EPS8: variants seen among roughly 807,000 people sequenced by gnomAD.
The protein encoded by EPS8 is epidermal growth factor receptor kinase substrate 8.
EPS8 carries 42 observed loss-of-function variants against 103.8 expected under a neutral mutation model. The ratio of observed to expected loss-of-function variants is 0.40; its 90% CI spans 0.32 to 0.52. The LOEUF (loss-of-function observed/expected upper bound fraction) is 0.52, where lower values mean the gene tolerates loss of function less well. EPS8 is among the 20% of genes least tolerant of loss of function. The probability of loss-of-function intolerance (pLI) is 0.40; values close to 1 mark genes in which losing one functional copy is unlikely to be tolerated. For synonymous variants in EPS8, 344 were observed against 344.6 expected, an observed-to-expected ratio of 1.00 and a Z score of 0.02; for missense variants, 969 against 1,005.1, an observed-to-expected ratio of 0.96 and a Z score of 0.49.
At chr12:15,718,137 G>C (rs909659817) in intron 1 of EPS8, among the ~76,000 whole-genome samples, 3 of 152,172 alleles carry the variant, frequency 2.0e-5, no homozygotes, top group Non-Finnish European at 2.9e-5. Context: ...CCTTTGGTGA[G>C]TAACTTAACC....
At chr12:15,755,936 T>A (rs980310896) in intron 1 of EPS8, among the ~76,000 whole-genome samples, 2 of 152,198 alleles carry the variant, frequency 1.3e-5, no homozygotes, top group African/African-American at 4.8e-5. Context: ...TTTCCAGAAC[T>A]GATTTGTATT....
At position 15,771,572 on chromosome 12, in the gene EPS8, G is replaced by A. The variant is rs923627388; in HGVS notation, c.-22+17589C>T. Among the ~76,000 whole-genome samples the A allele has an allele frequency of 6.6e-6, 1 of 152,128 alleles. No individual in the cohort carries two copies. Among genetic ancestry groups the A allele is most frequent in the Non-Finnish European group, 1.5e-5 (1 of 68,022 alleles). ...GGCAAAGGCGAGGGTTAACTTTAAT[G>A]TGAAAGCAGCAAAATCTGGCAATCA... is the stretch of plus-strand genomic sequence containing the variant. On this transcript the variant is annotated intron_variant, in intron 1 of 20. Transcript: ENST00000281172. This position sits in a 1 kb window ranked among gnomAD's most constrained non-coding sequence, Gnocchi z 4.6.
At chr12:15,681,197 A>G (rs1179289759) in intron 3 of EPS8, 29 bp downstream of exon 3, 1 of 1,252,414 alleles carries the variant, frequency 8.0e-7, no homozygotes, top group Admixed American at 2.1e-5. Context: ...TAGAAACAAA[A>G]TTATACCCTA....
At position 15,736,221 on chromosome 12, in the gene EPS8, T is replaced by C. The variant is rs16911216; in HGVS notation, c.-22+52940A>G. 0.087 allele frequency among the ~76,000 whole-genome samples: 13,241 copies of C among 152,170 alleles called. 1,890 individuals carry two copies. Among genetic ancestry groups the C allele is most frequent in the African/African-American group, 0.3 (12,341 of 41,454 alleles). Reference sequence around the variant, plus strand: ...TTTTAAACCAAAAACTATCCTAGTATCATGTCACTTTAATGAACTGTAATA... The same window carrying C: ...TTTTAAACCAAAAACTATCCTAGTACCATGTCACTTTAATGAACTGTAATA... On this transcript the variant is annotated intron_variant, in intron 1 of 20. Transcript: ENST00000281172. The surrounding 1 kb of genome is among the most constrained non-coding windows in gnomAD (Gnocchi z 4.2).
intron 15 of EPS8, among the ~76,000 whole-genome samples, chr12:15,643,761 A>T (rs1165332459): frequency 7.6e-6 from 1 of 131,672 alleles, no homozygotes; most frequent in Non-Finnish European, 1.7e-5. Flanking sequence ...AAAAAAAAAA[A>T]AGAGGTACCA....
intron 7 of EPS8, among the ~76,000 whole-genome samples, chr12:15,666,172 G>A (rs1176773473): frequency 6.6e-6 from 1 of 152,132 alleles, no homozygotes; most frequent in African/African-American, 2.4e-5. Context: ...TATTTCCCTA[G>A]GATACCTTCT....
rs1353547217 is a variant in EPS8 at position 15,717,586 on chromosome 12, C to CA, written c.-21-34615dup. On this transcript the variant is annotated intron_variant, in intron 1 of 20. Transcript: ENST00000281172. The surrounding 1 kb of genome is among the most constrained non-coding windows in gnomAD (Gnocchi z 4.3). Reference sequence around the variant, plus strand: ...TGGGTGACAGCACGAGACTCCATCTCAAAAAAAAAGAAAGAAAGAAAGAAA... The same window carrying CA: ...TGGGTGACAGCACGAGACTCCATCTCAAAAAAAAAAGAAAGAAAGAAAGAAA... 1.4e-4 allele frequency among the ~76,000 whole-genome samples: 21 copies of CA among 148,048 alleles called. No homozygotes were observed. In the South Asian group the frequency reaches 2.2e-3, roughly 15 times the overall value.
rs556584222 is a variant in EPS8 at position 15,695,644 on chromosome 12, T to C, written c.-21-12672A>G. 6.6e-6 allele frequency among the ~76,000 whole-genome samples: 1 copy of C among 152,170 alleles called. No homozygotes were observed. The highest frequency in any genetic ancestry group is 1.5e-5 in the Non-Finnish European group (1 of 68,032). On this transcript the variant is annotated intron_variant, in intron 1 of 20. Transcript: ENST00000281172. The surrounding 1 kb of genome is among the most constrained non-coding windows in gnomAD (Gnocchi z 5.0). ...AGCAAAACAGACAGGGTTCCTACCT[T>C]CATGGAGCTTACAATCTAGAGGGAG...
rs1262245351 is a variant in EPS8 at position 15,759,177 on chromosome 12, T to A, written c.-22+29984A>T. ...CCCCTATGTTTTCTTTTGGATTTCA[T>A]AATTGCCAACAGAGTGCTATAATAC... On this transcript the variant is annotated intron_variant, in intron 1 of 20. Transcript: ENST00000281172. The surrounding 1 kb of genome is among the most constrained non-coding windows in gnomAD (Gnocchi z 4.9). 2.0e-5 allele frequency among the ~76,000 whole-genome samples: 3 copies of A among 152,172 alleles called. No individual in the cohort carries two copies. The highest frequency in any genetic ancestry group is 7.2e-5 in the African/African-American group (3 of 41,462).
rs569762835 is a variant in EPS8, at chr12:15,629,730, G to A, written c.2044+1712C>T. ...CATTTAAATTGGACATACCGTGGGA[G>A]AAAAATTAATGAGTAAAAGTAGGCT... On this transcript the variant is annotated intron_variant, in intron 18 of 20. Transcript: ENST00000281172. Among the ~76,000 whole-genome samples the A allele has an allele frequency of 1.4e-4, 21 of 152,294 alleles. 1 individual carries two copies. In the East Asian group the frequency reaches 4.1e-3, roughly 29 times the overall value.
chr12:15,692,319 G>GGT (rs1184937459), intron 1 of EPS8, among the ~76,000 whole-genome samples: 6 of 120,324 alleles, frequency 5.0e-5, no homozygotes, highest in African/African-American at 2.0e-4. Context: ...AAGAGGTTTG[G>GGT]TTTTTTTTTT....
At position 15,785,415 on chromosome 12, in the gene EPS8, C is replaced by T. The variant is rs1382286412; in HGVS notation, c.-22+3746G>A. Among the ~76,000 whole-genome samples the T allele has an allele frequency of 1.3e-5, 2 of 152,088 alleles. No homozygotes were observed. Among genetic ancestry groups the T allele is most frequent in the African/African-American group, 4.8e-5 (2 of 41,436 alleles). On this transcript the variant is annotated intron_variant, in intron 1 of 20. Coordinates refer to ENST00000281172, the MANE Select transcript of EPS8 (RefSeq NM_004447.6). This position sits in a 1 kb window ranked among gnomAD's most constrained non-coding sequence, Gnocchi z 4.9. Reference sequence around the variant, plus strand: ...TTAAGCAAATGTATGGCAGATGGTGCAAACCAGGTTTCTTCTCACTGTTGG... The same window carrying T: ...TTAAGCAAATGTATGGCAGATGGTGTAAACCAGGTTTCTTCTCACTGTTGG...
In EPS8 at chr12:15,693,867, GA is replaced by G. The variant is rs201404014; in HGVS notation, c.-21-10896del. On this transcript the variant is annotated intron_variant, in intron 1 of 20. Transcript: ENST00000281172. The surrounding 1 kb of genome is among the most constrained non-coding windows in gnomAD (Gnocchi z 5.6). ...TGAGAACACATGGACACAGGGAGGG[GA>G]AAAAATACACACCAAGGCCTGTCAG... is the stretch of plus-strand genomic sequence containing the variant. 0.011 allele frequency among the ~76,000 whole-genome samples: 1,655 copies of G among 152,194 alleles called. 44 individuals carry two copies. The highest frequency in any genetic ancestry group is 0.037 in the African/African-American group (1,554 of 41,520).
intron 1 of EPS8, among the ~76,000 whole-genome samples, chr12:15,766,329 A>T (rs2136037293): frequency 6.6e-6 from 1 of 151,586 alleles, no homozygotes; most frequent in Non-Finnish European, 1.5e-5. Context: ...AAATACAAAA[A>T]AATACAAATA....
At chr12:15,631,882 C>A in intron 17 of EPS8, 1 of 445,546 alleles carries the variant, frequency 2.2e-6, no homozygotes, top group Non-Finnish European at 4.0e-6. Context: ...GTTAAGGAGT[C>A]ACAAGGCTAC....
intron 1 of EPS8, among the ~76,000 whole-genome samples, chr12:15,691,772 G>T (rs767242403): frequency 4.6e-5 from 7 of 152,144 alleles, no homozygotes; most frequent in African/African-American, 7.2e-5. Flanking sequence ...TTGAATCTAT[G>T]TAAATGCTAT....
At chr12:15,756,203 C>G (rs2051580246) in intron 1 of EPS8, among the ~76,000 whole-genome samples, 1 of 152,084 alleles carries the variant, frequency 6.6e-6, no homozygotes, top group African/African-American at 2.4e-5. Flanking sequence ...ACTGTAGAGC[C>G]TACAAAGAAA....
intron 13 of EPS8, among the ~76,000 whole-genome samples, chr12:15,653,808 C>T (rs1051415037): frequency 1.3e-5 from 2 of 152,164 alleles, no homozygotes; most frequent in East Asian, 1.9e-4. Context: ...CGCGCGCGCG[C>T]GCATGTGTAT....
rs1176879077 is a variant in EPS8 at position 15,700,439 on chromosome 12, T to C, written c.-21-17467A>G. Among the ~76,000 whole-genome samples the C allele has an allele frequency of 6.6e-6, 1 of 152,220 alleles. No homozygotes were observed. The highest frequency in any genetic ancestry group is 2.4e-5 in the African/African-American group (1 of 41,450). On this transcript the variant is annotated intron_variant, in intron 1 of 20. Coordinates refer to ENST00000281172, the MANE Select transcript of EPS8 (RefSeq NM_004447.6). This position sits in a 1 kb window ranked among gnomAD's most constrained non-coding sequence, Gnocchi z 5.1. The stretch of plus-strand genomic sequence containing the variant: ...TGATTAAAGTGTATATTATCACCAA[T>C]ATAAATTCCTCTAAAATTTACATAA...
Sources: gnomAD v4.1 joint callset for allele counts (sites outside exome capture counted in the v4.1 genomes callset) on GRCh38, gnomAD v4.1.1 for gene constraint, Gnocchi (gnomAD v3.1) non-coding constraint, MANE v1.5 for transcripts, NCBI Gene and HGNC (gene_info 2026-07-23, HGNC 2026-07-21) for gene names.